Variants in LINGO2 observed in about 807,000 individuals in gnomAD.
The protein encoded by LINGO2 is leucine rich repeat and Ig domain containing 2, also known as leucine-rich repeat and immunoglobulin-like domain-containing nogo receptor-interacting protein 2.
LINGO2 carries 14 observed loss-of-function variants against 30.6 expected under a neutral mutation model. The ratio of observed to expected loss-of-function variants is 0.46; its 90% CI spans 0.30 to 0.72. LINGO2 has a LOEUF of 0.72. Among genes scored for constraint, LINGO2 ranks in the 30% least tolerant of loss-of-function variants. The pLI is 0.07. For missense variants in LINGO2, 729 were observed against 751.7 expected, an observed-to-expected ratio of 0.97 and a Z score of 0.35; for synonymous variants, 317 against 288.5, an observed-to-expected ratio of 1.10 and a Z score of -1.00.
At chr9:28,894,874 C>T in the LINGO2 span, among the ~76,000 whole-genome samples, 8 of 151,978 alleles carry the variant, frequency 5.3e-5, no homozygotes, top group Non-Finnish European at 1.0e-4. Context: ...TACTTAAAAT[C>T]TAATATCTTA....
At chr9:28,604,982 C>T (rs1343754970) in intron 1 of LINGO2, among the ~76,000 whole-genome samples, 1 of 151,784 alleles carries the variant, frequency 6.6e-6, no homozygotes, top group Non-Finnish European at 1.5e-5. Context: ...CATGGATATG[C>T]TAAATAAGGA....
intron 1 of LINGO2, among the ~76,000 whole-genome samples, chr9:28,590,294 A>T (rs1035347031): frequency 1.3e-5 from 2 of 152,178 alleles, no homozygotes; most frequent in Non-Finnish European, 2.9e-5. Context: ...TAAAAGCCAA[A>T]ATTGACAAAT....
chr9:28,804,327 A>G, the LINGO2 span, among the ~76,000 whole-genome samples: 1 of 152,250 alleles, frequency 6.6e-6, no homozygotes, highest in South Asian at 2.1e-4. Context: ...CATTTGCAAG[A>G]CACACAAACG....
At chr9:29,004,953 G>C in the LINGO2 span, among the ~76,000 whole-genome samples, 4 of 151,944 alleles carry the variant, frequency 2.6e-5, no homozygotes, top group African/African-American at 9.7e-5. Flanking sequence ...TTGTATGACT[G>C]TTGTAAACAT....
intron 3 of LINGO2, among the ~76,000 whole-genome samples, chr9:28,358,846 A>T (rs1820331431): frequency 6.6e-6 from 1 of 152,102 alleles, no homozygotes; most frequent in African/African-American, 2.4e-5. Context: ...GAGGCTAGAA[A>T]ATCTTTTTAT....
the LINGO2 span, among the ~76,000 whole-genome samples, chr9:28,774,275 T>C: frequency 6.6e-6 from 1 of 152,208 alleles, no homozygotes. Context: ...TATAAGTTTA[T>C]ATAAGACCTC....
chr9:29,139,703 G>C, the LINGO2 span, among the ~76,000 whole-genome samples: 1 of 152,064 alleles, frequency 6.6e-6, no homozygotes, highest in Non-Finnish European at 1.5e-5. Context: ...TTATTAGTCA[G>C]AGTTCATCCC....
chr9:27,972,452 C>T (rs1268769669), intron 5 of LINGO2, among the ~76,000 whole-genome samples: 1 of 152,030 alleles, frequency 6.6e-6, no homozygotes, highest in African/African-American at 2.4e-5. Flanking sequence ...CTCTGTCCTC[C>T]TAAAAGCCCT....
chr9:28,337,487 C>T (rs1825629335), intron 3 of LINGO2, among the ~76,000 whole-genome samples: 1 of 152,030 alleles, frequency 6.6e-6, no homozygotes, highest in African/African-American at 2.4e-5. Flanking sequence ...TAACACGGAG[C>T]CAAATTTTAT....
intron 4 of LINGO2, among the ~76,000 whole-genome samples, chr9:28,031,182 C>G (rs907918506): frequency 1.3e-5 from 2 of 151,704 alleles, no homozygotes; most frequent in Non-Finnish European, 2.9e-5. Context: ...TCCTGGAGGC[C>G]GAGACTATAT....
chr9:28,551,112 T>G (rs1415258112), intron 1 of LINGO2, among the ~76,000 whole-genome samples: 2 of 151,856 alleles, frequency 1.3e-5, no homozygotes, highest in African/African-American at 2.4e-5. Flanking sequence ...TTGAGTAGCC[T>G]CTCTTCCAAA....
the LINGO2 span, among the ~76,000 whole-genome samples, chr9:29,189,688 C>G: frequency 6.6e-6 from 1 of 152,046 alleles, no homozygotes; most frequent in African/African-American, 2.4e-5. Context: ...TGTAGCGAGC[C>G]GAGATCACGC....
At chr9:28,105,116 A>G (rs1350028977) in intron 4 of LINGO2, among the ~76,000 whole-genome samples, 31 of 152,180 alleles carry the variant, frequency 2.0e-4, no homozygotes, top group Non-Finnish European at 4.4e-5. Flanking sequence ...GCAGTAATAG[A>G]CATCTAGAGA....
the LINGO2 span, among the ~76,000 whole-genome samples, chr9:28,957,155 T>C: frequency 6.6e-6 from 1 of 152,138 alleles, no homozygotes; most frequent in African/African-American, 2.4e-5. Flanking sequence ...TTAGTCTCTT[T>C]GGATATCATC....
At chr9:28,531,251 T>C (rs1354729642) in intron 1 of LINGO2, among the ~76,000 whole-genome samples, 1 of 152,046 alleles carries the variant, frequency 6.6e-6, no homozygotes, top group African/African-American at 2.4e-5. Flanking sequence ...AAAGCACATA[T>C]ACACAGCCTC....
At chr9:28,436,698 C>T (rs948191071) in intron 2 of LINGO2, among the ~76,000 whole-genome samples, 8 of 152,074 alleles carry the variant, frequency 5.3e-5, no homozygotes, top group African/African-American at 1.9e-4. Context: ...ACCTCGTGAT[C>T]CGCCCGCCTT....
At chr9:29,036,059 G>A in the LINGO2 span, among the ~76,000 whole-genome samples, 1 of 151,982 alleles carries the variant, frequency 6.6e-6, no homozygotes, top group African/African-American at 2.4e-5. Flanking sequence ...TTAAAAGACT[G>A]AGTAATAGTC....
In LINGO2 at chr9:28,456,823, C is replaced by T. The variant is rs78353562; in HGVS notation, c.-279+19117G>A. Reference sequence around the variant, plus strand: ...TTCTTTTTGGAGAAAACTCTTGTGTCGTTATGAAAGATCACTGGTCCTGCT... The same window carrying T: ...TTCTTTTTGGAGAAAACTCTTGTGTTGTTATGAAAGATCACTGGTCCTGCT... On this transcript the variant is annotated intron_variant, in intron 2 of 5. Transcript: ENST00000379992. 7.2e-5 allele frequency among the ~76,000 whole-genome samples: 11 copies of T among 152,232 alleles called. No homozygotes were observed. The East Asian group carries it at 1.2e-3, about 16-fold the overall frequency.
chr9:27,995,760 C>CATACTGAATGGGGCAAA (rs1218833434), intron 5 of LINGO2, among the ~76,000 whole-genome samples: 1 of 152,110 alleles, frequency 6.6e-6, no homozygotes, highest in Non-Finnish European at 1.5e-5. Flanking sequence ...CAGCTAACAT[C>CATACTGAATGGGGCAAA]ATACTGAATG....
Sources: gnomAD v4.1 joint callset for allele counts (sites outside exome capture counted in the v4.1 genomes callset) on GRCh38, gnomAD v4.1.1 for gene constraint, MANE v1.5 for transcripts, NCBI Gene and HGNC (gene_info 2026-07-23, HGNC 2026-07-21) for gene names.